Variants in EPHX1 observed in about 807,000 individuals in gnomAD.
The protein encoded by EPHX1 is epoxide hydrolase 1, also known as epoxide hydratase.
In EPHX1, 40 loss-of-function variants were observed where a neutral mutation model predicts 43.2. The observed-to-expected ratio is 0.93, with a 90% CI of 0.72 to 1.21. EPHX1 has a LOEUF of 1.21. Ranked by LOEUF, EPHX1 falls within the 50% of genes most tolerant of loss-of-function variation. EPHX1 has a pLI of 0.00. For synonymous variants in EPHX1, 221 were observed against 226.7 expected (o/e 0.98, Z 0.22); for missense variants, 550 against 570.4 (o/e 0.96, Z 0.36).
intron 3 of EPHX1, among the ~76,000 whole-genome samples, chr1:225,833,517 T>C (rs1308670709): frequency 6.6e-6 from 1 of 151,916 alleles, no homozygotes; most frequent in African/African-American, 2.4e-5. Flanking sequence ...AGAGAGAGGC[T>C]GGGCACGGTG....
At chr1:225,829,615 G>T (rs1194539934) in intron 2 of EPHX1, among the ~76,000 whole-genome samples, 2 of 152,160 alleles carry the variant, frequency 1.3e-5, no homozygotes, top group Non-Finnish European at 2.9e-5. Flanking sequence ...CGGTAGGCAG[G>T]CCTGGCATGG....
intron 3 of EPHX1, among the ~76,000 whole-genome samples, chr1:225,834,014 C>CT (rs1366532536): frequency 6.9e-6 from 1 of 145,436 alleles, no homozygotes; most frequent in African/African-American, 2.6e-5. Context: ...AGAAGAATAG[C>CT]GTGAACCCGG....
At chr1:225,816,345 T>TAA (rs148728123) in intron 1 of EPHX1, among the ~76,000 whole-genome samples, 1 of 151,756 alleles carries the variant, frequency 6.6e-6, no homozygotes, top group African/African-American at 2.4e-5. Context: ...TTTAAAAGAT[T>TAA]AAAAAAAGAG....
chr1:225,814,057 A>G (rs561853080), intron 1 of EPHX1, among the ~76,000 whole-genome samples: 1 of 152,302 alleles, frequency 6.6e-6, no homozygotes, highest in East Asian at 1.9e-4. Flanking sequence ...GGTACTTAAG[A>G]GCTGGATTAA....
At chr1:225,839,018 C>A in intron 4 of EPHX1, 137 bp downstream of exon 4, 4 of 1,307,152 alleles carry the variant, frequency 3.1e-6, no homozygotes, top group South Asian at 1.3e-5. Context: ...CCTGAGAGGC[C>A]GGCCCCAGAC....
At chr1:225,837,415 T>C (rs1278333652) in intron 3 of EPHX1, among the ~76,000 whole-genome samples, 3 of 152,194 alleles carry the variant, frequency 2.0e-5, no homozygotes, top group African/African-American at 7.2e-5. Context: ...TCTTTTGATA[T>C]GCAGAGGCCC....
rs1397456745 is a variant in EPHX1, at chr1:225,831,842, T to C, written c.247T>C (p.Tyr83His). The change falls in exon 3 of 9, where the codon TAT becomes CAT. Residue 83 changes from tyrosine (Y) to histidine (H), a missense_variant. Physicochemically the swap from Tyr to His is moderately conservative, Grantham distance 83. Coordinates refer to ENST00000272167, the MANE Select transcript of EPHX1 (RefSeq NM_001136018.4). ...ACCTTTGGAGGACAGCTGCTTCCAC[T>C]ATGGCTTCAACTCCAACTACCTGAA... ...TPPLEDSCFH[Y>H]GFNSNYLKKV... 1.9e-6 allele frequency: 3 copies of C among 1,614,184 alleles called. No individual in the cohort carries two copies. Among genetic ancestry groups the C allele is most frequent in the South Asian group, 1.1e-5 (1 of 91,086 alleles).
At position 225,833,954 on chromosome 1, in the gene EPHX1, C is replaced by T. The variant is rs570245792; in HGVS notation, c.364+1995C>T. On this transcript the variant is annotated intron_variant, in intron 3 of 8. Transcript: ENST00000272167. ...TCTACTAAAAATACAAAAAATTAGCCGGGCGTGGTGGCAGGCGCCTGTGGT... is the reference window on the plus strand; with the variant it reads ...TCTACTAAAAATACAAAAAATTAGCTGGGCGTGGTGGCAGGCGCCTGTGGT... Among the ~76,000 whole-genome samples the T allele has an allele frequency of 3.3e-3, 494 of 148,346 alleles. 2 individuals are homozygous for T. The highest frequency in any genetic ancestry group is 5.9e-3 in the Non-Finnish European group (394 of 67,108).
At chr1:225,839,133 G>A (rs1045000944) in intron 4 of EPHX1, 84 bp from the exon 5 acceptor site, 73 of 1,604,730 alleles carry the variant, frequency 4.5e-5, no homozygotes, top group African/African-American at 1.2e-4. Flanking sequence ...AGGCGGGCCT[G>A]AGAAATTTCA....
At chr1:225,826,554 C>A (rs1485711539) in intron 1 of EPHX1, among the ~76,000 whole-genome samples, 1 of 143,308 alleles carries the variant, frequency 7.0e-6, no homozygotes, top group Non-Finnish European at 1.6e-5. Context: ...CGAAGGCCTG[C>A]CCCCTGGCAC....
chr1:225,827,918 C>CT (rs34799615), intron 1 of EPHX1, among the ~76,000 whole-genome samples: 21 of 152,140 alleles, frequency 1.4e-4, no homozygotes, highest in African/African-American at 4.3e-4. Flanking sequence ...CCCATTACCC[C>CT]GTCTGCCCTG....
At chr1:225,841,824 G>A (rs945581640) in intron 6 of EPHX1, among the ~76,000 whole-genome samples, 4 of 151,594 alleles carry the variant, frequency 2.6e-5, no homozygotes, top group South Asian at 2.1e-4. Context: ...GGATAGTCTC[G>A]AACTCCTTAC....
chr1:225,833,795 TAA>T (rs765544660), intron 3 of EPHX1, among the ~76,000 whole-genome samples: 17 of 108,636 alleles, frequency 1.6e-4, no homozygotes, highest in Admixed American at 1.9e-4. Flanking sequence ...ACTCTGTCTT[TAA>T]AAAAAAAAAA....
intron 2 of EPHX1, 51 bp downstream of exon 2, chr1:225,828,963 C>A: frequency 6.5e-7 from 1 of 1,547,824 alleles, no homozygotes; most frequent in South Asian, 1.2e-5. Context: ...GGTGGTGTGT[C>A]GAAGACAGGG....
At chr1:225,828,616 G>A (rs1576002412) in intron 1 of EPHX1, 109 bp from the exon 2 acceptor site, 1 of 930,230 alleles carries the variant, frequency 1.1e-6, no homozygotes, top group East Asian at 2.6e-5. Flanking sequence ...TAAAATCAGG[G>A]ACAGGGTTGG....
rs34868815 is a variant in EPHX1 at position 225,839,366 on chromosome 1, G to GGTGTGTGTGTGTGTGTGTGT, written c.722+37_722+56dup. The GGTGTGTGTGTGTGTGTGTGT allele has an allele frequency of 7.0e-6, 11 of 1,560,832 alleles. No homozygotes were observed. Among genetic ancestry groups the GGTGTGTGTGTGTGTGTGTGT allele is most frequent in the East Asian group, 4.7e-5 (2 of 42,516 alleles). ...GCCCAGGTGAGGTCACTGTTGGGGT[G>GGTGTGTGTGTGTGTGTGTGT]GTGTGTGTGTGTGTGTGTGTGTGTG... On this transcript the variant is annotated intron_variant, in intron 5 of 8. Transcript: ENST00000272167.
intron 5 of EPHX1, 43 bp downstream of exon 5, chr1:225,839,389 G>A: frequency 6.2e-7 from 1 of 1,609,184 alleles, no homozygotes. Flanking sequence ...GTGTGTGTGT[G>A]TGTGTGTGTG....
rs377000440 is a variant in EPHX1 at position 225,835,738 on chromosome 1, A to G, written c.365-2916A>G. Among the ~76,000 whole-genome samples, 32 of 149,266 alleles carry G rather than the reference A, an allele frequency of 2.1e-4. No individual in the cohort carries two copies. The East Asian group carries it at 3.5e-3, about 17-fold the overall frequency. ...TTTTTTTACATTTTTAGTAGAGACA[A>G]GGTCTCACCATGTCACCCAGGCTGA... is the stretch of plus-strand genomic sequence containing the variant. On this transcript the variant is annotated intron_variant, in intron 3 of 8. Coordinates refer to ENST00000272167, the MANE Select transcript of EPHX1 (RefSeq NM_001136018.4).
chr1:225,838,799 T>C lies in EPHX1; in HGVS notation c.510T>C (p.His170=), dbSNP rs1576025458. 6.2e-7 allele frequency: 1 copy of C among 1,614,180 alleles called. No individual in the cohort carries two copies. Among genetic ancestry groups the C allele is most frequent in the Non-Finnish European group, 8.5e-7 (1 of 1,180,032 alleles). ...CACTCCTGACTGACCCCAAGAACCA[T>C]GGCCTGAGCGATGAGCACGTTTTTG... ...IIPLLTDPKN[H]GLSDEHVFEV... is the part of the protein sequence containing the mutation. Residue 170 remains histidine, a synonymous_variant, in exon 4 of 9, where the codon CAT becomes CAC. Transcript: ENST00000272167.
Sources: allele counts gnomAD v4.1 joint callset (sites outside exome capture counted in the v4.1 genomes callset), GRCh38; gene constraint gnomAD v4.1.1; transcripts MANE v1.5; gene names NCBI Gene and HGNC (gene_info 2026-07-23, HGNC 2026-07-21).